The following FRMD5 variants were observed in gnomAD, a reference collection of about 807,000 sequenced individuals.
FRMD5 encodes FERM domain-containing protein 5.
Under a neutral mutation model 69.0 loss-of-function variants are expected in FRMD5, and 20 were observed. That is an observed-to-expected ratio of 0.29 (90% CI 0.20 to 0.42). The LOEUF (loss-of-function observed/expected upper bound fraction) is 0.42. FRMD5 is among the 10% of genes least tolerant of loss of function. The pLI is 1.00. For synonymous variants in FRMD5, 271 were observed against 260.1 expected, an observed-to-expected ratio of 1.04 and a Z score of -0.40; for missense variants, 595 against 708.6, an observed-to-expected ratio of 0.84 and a Z score of 1.82.
At chr15:44,088,630 C>T (rs943597528) in intron 1 of FRMD5, among the ~76,000 whole-genome samples, 1 of 152,112 alleles carries the variant, frequency 6.6e-6, no homozygotes, top group African/African-American at 2.4e-5. Flanking sequence ...GTACTCAGGA[C>T]TGAAGTTAAG....
At chr15:44,181,820 T>C (rs2078006487) in intron 1 of FRMD5, among the ~76,000 whole-genome samples, 1 of 152,090 alleles carries the variant, frequency 6.6e-6, no homozygotes, top group Non-Finnish European at 1.5e-5. Context: ...ACAGGACTGC[T>C]TGAGCCCAGG....
chr15:44,056,918 A>G (rs1438361780), intron 1 of FRMD5, among the ~76,000 whole-genome samples: 4 of 152,164 alleles, frequency 2.6e-5, no homozygotes, highest in Non-Finnish European at 2.9e-5. Flanking sequence ...CAAATTAACT[A>G]TATACCCAGA....
intron 1 of FRMD5, among the ~76,000 whole-genome samples, chr15:44,058,229 G>A (rs1286139860): frequency 6.6e-6 from 1 of 152,134 alleles, no homozygotes; most frequent in African/African-American, 2.4e-5. Context: ...ATCAAGTGAA[G>A]GAAGCCAGTC....
At chr15:44,059,876 C>A (rs918965420) in intron 1 of FRMD5, among the ~76,000 whole-genome samples, 5 of 152,146 alleles carry the variant, frequency 3.3e-5, no homozygotes, top group Non-Finnish European at 5.9e-5. Flanking sequence ...GGTTTCTGGA[C>A]AAATCCCTGG....
chr15:44,027,035 T>C (rs1371222717), intron 1 of FRMD5, among the ~76,000 whole-genome samples: 1 of 152,232 alleles, frequency 6.6e-6, no homozygotes, highest in Non-Finnish European at 1.5e-5. Context: ...TGTTGGAATC[T>C]GAGCTATATC....
chr15:43,945,556 T>C (rs534068444), intron 1 of FRMD5, among the ~76,000 whole-genome samples: 1 of 152,274 alleles, frequency 6.6e-6, no homozygotes, highest in South Asian at 2.1e-4. Context: ...TACCTGAGCC[T>C]GTTATATGAT....
chr15:44,194,900 G>C (rs767461311), intron 1 of FRMD5, 53 bp downstream of exon 1: 146 of 1,439,294 alleles, frequency 1.0e-4, no homozygotes, highest in Non-Finnish European at 1.2e-4. Context: ...AAGTTGACCA[G>C]ACTTGGGGGA....
At chr15:43,883,125 G>A (rs1403705154) in intron 13 of FRMD5, among the ~76,000 whole-genome samples, 1 of 133,048 alleles carries the variant, frequency 7.5e-6, no homozygotes, top group Non-Finnish European at 1.6e-5. Flanking sequence ...TTTTTTTTTT[G>A]GACAGTCTCC....
chr15:43,892,213 A>G (rs1212987892), intron 7 of FRMD5, 144 bp from the exon 8 acceptor site: 1 of 734,412 alleles, frequency 1.4e-6, no homozygotes, highest in African/African-American at 1.8e-5. Flanking sequence ...TCACAAGACC[A>G]TAGTTTGAGT....
rs199702931 is a variant in FRMD5 at position 44,135,864 on chromosome 15, G to GGA, written c.102+59087_102+59088dup. On this transcript the variant is annotated intron_variant, in intron 1 of 13. Transcript: ENST00000417257. ...AAAAACTACAAATCAAAGGCAACAA[G>GGA]GAGACAAGTTAGTAGACGCATAAAA... 5.3e-4 allele frequency among the ~76,000 whole-genome samples: 80 copies of GGA among 149,784 alleles called. 1 individual carries two copies. The East Asian group carries it at 0.015, about 29-fold the overall frequency.
intron 1 of FRMD5, among the ~76,000 whole-genome samples, chr15:44,044,715 A>G (rs948161934): frequency 5.9e-5 from 9 of 151,918 alleles, no homozygotes; most frequent in Non-Finnish European, 1.3e-4. Flanking sequence ...CTGAACAATG[A>G]GAACACATGG....
At chr15:44,022,670 G>A (rs765245635) in intron 1 of FRMD5, among the ~76,000 whole-genome samples, 14 of 150,116 alleles carry the variant, frequency 9.3e-5, no homozygotes, top group Non-Finnish European at 1.8e-4. Flanking sequence ...AAGCTCATGA[G>A]ATTGCCAAAA....
intron 1 of FRMD5, among the ~76,000 whole-genome samples, chr15:44,110,079 G>A (rs557291629): frequency 1.3e-5 from 2 of 151,696 alleles, no homozygotes; most frequent in East Asian, 3.9e-4. Context: ...TAATTTTTTT[G>A]TATTTATTCA....
chr15:44,056,553 CA>C (rs1892876843), intron 1 of FRMD5, among the ~76,000 whole-genome samples: 1 of 152,116 alleles, frequency 6.6e-6, no homozygotes, highest in African/African-American at 2.4e-5. Flanking sequence ...GCCAGGAGAA[CA>C]AGTTTCCTAA....
chr15:43,983,705 A>G (rs1314661070), intron 1 of FRMD5, among the ~76,000 whole-genome samples: 1 of 152,206 alleles, frequency 6.6e-6, no homozygotes, highest in Non-Finnish European at 1.5e-5. Context: ...TTCGTTGACC[A>G]CTTGGGGTCT....
At chr15:44,108,388 T>C (rs1277076429) in intron 1 of FRMD5, among the ~76,000 whole-genome samples, 1 of 152,182 alleles carries the variant, frequency 6.6e-6, no homozygotes, top group Non-Finnish European at 1.5e-5. Context: ...CTCATGCCTG[T>C]AATCCCAGCA....
chr15:43,976,669 CT>C (rs572122816), intron 1 of FRMD5, among the ~76,000 whole-genome samples: 2 of 151,904 alleles, frequency 1.3e-5, no homozygotes, highest in Non-Finnish European at 1.5e-5. Flanking sequence ...ACTAAAGTTT[CT>C]TTTTTTTATT....
At chr15:44,127,428 C>T (rs944526852) in intron 1 of FRMD5, among the ~76,000 whole-genome samples, 1 of 152,132 alleles carries the variant, frequency 6.6e-6, no homozygotes, top group Non-Finnish European at 1.5e-5. Context: ...TAGTAAGAGA[C>T]TTATACCCAG....
chr15:44,063,520 G>A (rs1893181598), intron 1 of FRMD5: 7 of 451,832 alleles, frequency 1.5e-5, no homozygotes, highest in East Asian at 6.3e-5. Flanking sequence ...CATGGTGAAG[G>A]TGAAGGCCAG....
Sources: gnomAD v4.1 joint callset for allele counts (sites outside exome capture counted in the v4.1 genomes callset) on GRCh38, gnomAD v4.1.1 for gene constraint, MANE v1.5 for transcripts, NCBI Gene and HGNC (gene_info 2026-07-23, HGNC 2026-07-21) for gene names.